The following MED12L variants were observed in gnomAD, a reference collection of about 807,000 sequenced individuals.
The protein encoded by MED12L is mediator of RNA polymerase II transcription subunit 12-like protein.
In MED12L, 60 loss-of-function variants were observed where a neutral mutation model predicts 281.3. The observed-to-expected ratio is 0.21, with a 90% CI of 0.17 to 0.26. The LOEUF (loss-of-function observed/expected upper bound fraction) is 0.26, where lower values mean the gene tolerates loss of function less well. Among genes scored for constraint, MED12L ranks in the 10% least tolerant of loss-of-function variants. MED12L has a pLI of 1.00. For synonymous variants in MED12L, 974 were observed against 987.2 expected, an observed-to-expected ratio of 0.99 and a Z score of 0.25; for missense variants, 2,146 against 2,680.9, an observed-to-expected ratio of 0.80 and a Z score of 4.41.
chr3:151,208,281 A>G (rs1005057285), intron 16 of MED12L, among the ~76,000 whole-genome samples: 3 of 152,224 alleles, frequency 2.0e-5, no homozygotes, highest in Non-Finnish European at 4.4e-5. Flanking sequence ...TGCAGTCAAT[A>G]TGATATCAGA....
At chr3:151,114,503 C>T (rs951039455) in intron 2 of MED12L, among the ~76,000 whole-genome samples, 4 of 152,116 alleles carry the variant, frequency 2.6e-5, no homozygotes, top group Non-Finnish European at 2.9e-5. Flanking sequence ...TTAATCATAG[C>T]GGTGATTTTG....
At chr3:151,234,912 CT>C (rs1732424423) in intron 16 of MED12L, among the ~76,000 whole-genome samples, 1 of 152,202 alleles carries the variant, frequency 6.6e-6, no homozygotes, top group Non-Finnish European at 1.5e-5. Flanking sequence ...TAATAAGAAT[CT>C]GTCCAGCCTG....
Position 151,411,261 on chromosome 3 carries a change from C to A in MED12L, c.5911-17C>A. 1 of 1,609,502 alleles carries A rather than the reference C, an allele frequency of 6.2e-7. No homozygotes were observed. The highest frequency in any genetic ancestry group is 8.5e-7 in the Non-Finnish European group (1 of 1,175,854). On this transcript the variant is annotated splice_polypyrimidine_tract_variant and intron_variant, in intron 40 of 44. Transcript: ENST00000687756. The stretch of plus-strand genomic sequence containing the variant: ...ATAAGTTGAAACATTGACTTCTTCC[C>A]TTGTGCCTACCTGCAGACCATGCCA...
chr3:151,188,348 C>T lies in MED12L; in HGVS notation c.1627-6C>T. 1 of 1,588,758 alleles carries T rather than the reference C, an allele frequency of 6.3e-7. No homozygotes were observed. Among genetic ancestry groups the T allele is most frequent in the Non-Finnish European group, 8.6e-7 (1 of 1,159,632 alleles). ...ATTAACTTTGTTATTTATTTTTAAT[C>T]TGTAGAGATGTGGTGAATCAGAAGT... On this transcript the variant is annotated splice_region_variant and splice_polypyrimidine_tract_variant and intron_variant, in intron 12 of 44. Coordinates refer to ENST00000687756, the MANE Select transcript of MED12L (RefSeq NM_001393769.1).
intron 3 of MED12L, among the ~76,000 whole-genome samples, chr3:151,118,973 C>T (rs1298536751): frequency 6.6e-6 from 1 of 152,194 alleles, no homozygotes; most frequent in Non-Finnish European, 1.5e-5. Context: ...AGATGTGAGC[C>T]ACTGTGCCCG....
At chr3:151,195,006 T>C (rs954680960) in intron 16 of MED12L, among the ~76,000 whole-genome samples, 3 of 151,954 alleles carry the variant, frequency 2.0e-5, no homozygotes, top group Non-Finnish European at 4.4e-5. Flanking sequence ...CTACTAAAAA[T>C]ACAAAAAATT....
chr3:151,183,107 C>T (rs560386889), intron 11 of MED12L, among the ~76,000 whole-genome samples: 199 of 123,612 alleles, frequency 1.6e-3, no homozygotes, highest in Non-Finnish European at 3.1e-3. Context: ...CTCCAAGGCC[C>T]AATTTACATT....
In MED12L at chr3:151,357,310, C is replaced by G; in HGVS notation, c.2759C>G (p.Ala920Gly). The change falls in exon 20 of 45, where the codon GCT becomes GGT. Residue 920 changes from alanine to glycine, a missense_variant. This residue lies in a region of MED12L where 404 missense variants were observed against 603.5 expected (regional missense o/e 0.67). Transcript: ENST00000687756. ...YTTGLCVCIV[A>G]VLRRYHSCLI... ...ACAGGACTGTGTGTCTGCATCGTGG[C>G]TGTTCTCAGGCGCTATCACAGTTGT... 6.2e-7 allele frequency: 1 copy of G among 1,613,908 alleles called. No individual in the cohort carries two copies. Among genetic ancestry groups the G allele is most frequent in the African/African-American group, 1.3e-5 (1 of 75,036 alleles).
At chr3:151,332,718 A>G (rs1750489213) in intron 16 of MED12L, among the ~76,000 whole-genome samples, 1 of 151,166 alleles carries the variant, frequency 6.6e-6, no homozygotes, top group South Asian at 2.1e-4. Flanking sequence ...ATTCCATGTT[A>G]GTACATGTAG....
intron 16 of MED12L, among the ~76,000 whole-genome samples, chr3:151,244,114 A>T (rs553040529): frequency 8.3e-6 from 1 of 120,726 alleles, no homozygotes; most frequent in Non-Finnish European, 1.9e-5. Flanking sequence ...AAGATTCATA[A>T]AGCAAGTCCT....
At chr3:151,177,401 C>G (rs945983146) in intron 11 of MED12L, among the ~76,000 whole-genome samples, 59 of 152,206 alleles carry the variant, frequency 3.9e-4, no homozygotes, top group African/African-American at 1.2e-3. Context: ...CCATGACCAT[C>G]TTAACTTCTT....
At chr3:151,147,846 G>T (rs1280161141) in intron 5 of MED12L, among the ~76,000 whole-genome samples, 1 of 152,188 alleles carries the variant, frequency 6.6e-6, no homozygotes, top group Non-Finnish European at 1.5e-5. Context: ...GTGTGGACAT[G>T]TGTCATTTCT....
At chr3:151,160,552 A>G (rs917332652) in intron 8 of MED12L, among the ~76,000 whole-genome samples, 2 of 152,160 alleles carry the variant, frequency 1.3e-5, no homozygotes, top group Admixed American at 6.5e-5. Flanking sequence ...ATCCAGTAAC[A>G]TGCTGGTTGC....
intron 16 of MED12L, among the ~76,000 whole-genome samples, chr3:151,218,070 T>A (rs1559891580): frequency 6.6e-6 from 1 of 152,206 alleles, no homozygotes; most frequent in Non-Finnish European, 1.5e-5. Context: ...TAGTACAGAT[T>A]GAGATGATTT....
At chr3:151,406,062 G>C (rs1716265232) in intron 39 of MED12L, among the ~76,000 whole-genome samples, 1 of 152,202 alleles carries the variant, frequency 6.6e-6, no homozygotes, top group Non-Finnish European at 1.5e-5. Flanking sequence ...GAAATTAACA[G>C]ATAACTAAGG....
chr3:151,266,445 A>T (rs1281102881), intron 16 of MED12L, among the ~76,000 whole-genome samples: 9 of 152,244 alleles, frequency 5.9e-5, no homozygotes, highest in Non-Finnish European at 1.5e-5. Flanking sequence ...AACATTAAAC[A>T]CAGGTTGCCT....
intron 11 of MED12L, among the ~76,000 whole-genome samples, chr3:151,179,692 G>A (rs2149047166): frequency 6.6e-6 from 1 of 152,312 alleles, no homozygotes; most frequent in African/African-American, 2.4e-5. Context: ...TGCTGGTCAT[G>A]CACCATTGAC....
Position 151,376,184 on chromosome 3 carries a change from G to A in MED12L, c.4023G>A (p.Leu1341=), listed in dbSNP as rs774869956. The A allele has an allele frequency of 3.8e-6, 6 of 1,596,242 alleles. No homozygotes were observed. The South Asian group carries it at 5.7e-5, about 15-fold the overall frequency. Residue 1341 remains leucine, a synonymous_variant, in exon 28 of 45, where the codon CTG becomes CTA. Coordinates refer to ENST00000687756, the MANE Select transcript of MED12L (RefSeq NM_001393769.1). ...GIKECTEGDN[L]QRQHIKRILQ... is the part of the protein sequence containing the mutation. ...AAGAATGTACCGAGGGGGACAATCT[G>A]CAAAGACAGCACATTAAGCGTATTC...
At chr3:151,375,067 T>C (rs1304851812) in intron 27 of MED12L, among the ~76,000 whole-genome samples, 3 of 152,268 alleles carry the variant, frequency 2.0e-5, no homozygotes, top group Non-Finnish European at 4.4e-5. Context: ...CATATAAGTA[T>C]TGAGAGGCAA....
Sources: allele counts gnomAD v4.1 joint callset (sites outside exome capture counted in the v4.1 genomes callset), GRCh38; gene constraint gnomAD v4.1.1; regional missense constraint gnomAD v4.1.1; transcripts MANE v1.5; gene names NCBI Gene and HGNC (gene_info 2026-07-23, HGNC 2026-07-21).